The following BACE2 variants were observed in gnomAD, a reference collection of about 807,000 sequenced individuals.
BACE2 encodes the protein 56 kDa aspartic-like protease.
In BACE2, 17 loss-of-function variants were observed where a neutral mutation model predicts 46.2. The observed-to-expected ratio is 0.37, with a 90% CI of 0.25 to 0.55. The LOEUF (loss-of-function observed/expected upper bound fraction) is 0.55, where lower values mean the gene tolerates loss of function less well. Ranked by LOEUF, BACE2 falls within the 20% of genes least tolerant of loss-of-function variation. The pLI is 0.82. For missense variants in BACE2, 595 were observed against 698.1 expected (o/e 0.85, Z 1.66); for synonymous variants, 277 against 295.9 (o/e 0.94, Z 0.66).
intron 1 of BACE2, among the ~76,000 whole-genome samples, chr21:41,216,177 G>A (rs1019689710): frequency 6.6e-6 from 1 of 152,206 alleles, no homozygotes; most frequent in Non-Finnish European, 1.5e-5. Context: ...AATTCAACAC[G>A]AGAAAGGTCC....
intron 1 of BACE2, among the ~76,000 whole-genome samples, chr21:41,207,643 C>T (rs546791554): frequency 3.3e-5 from 5 of 149,284 alleles, no homozygotes; most frequent in Admixed American, 3.3e-4. Context: ...TGATCTCCCT[C>T]CTGGTGCAGG....
At chr21:41,271,015 G>A (rs1205701596) in intron 8 of BACE2, among the ~76,000 whole-genome samples, 3 of 152,154 alleles carry the variant, frequency 2.0e-5, no homozygotes, top group African/African-American at 4.8e-5. Context: ...GGATTTTTAT[G>A]TCCTATTTAT....
intron 8 of BACE2, among the ~76,000 whole-genome samples, chr21:41,270,990 G>A (rs2088428677): frequency 6.6e-6 from 1 of 151,612 alleles, no homozygotes; most frequent in East Asian, 1.9e-4. Context: ...ACTGTTATTA[G>A]GTAAAAAAAC....
At chr21:41,252,977 G>A (rs745917059) in intron 7 of BACE2, among the ~76,000 whole-genome samples, 5 of 152,108 alleles carry the variant, frequency 3.3e-5, no homozygotes, top group Admixed American at 6.5e-5. Flanking sequence ...CCCTCACACC[G>A]TAACTTTGAG....
At chr21:41,199,140 C>G (rs193095786) in intron 1 of BACE2, among the ~76,000 whole-genome samples, 60 of 150,976 alleles carry the variant, frequency 4.0e-4, no homozygotes, top group African/African-American at 1.4e-3. Flanking sequence ...TCTGTCCTTG[C>G]GACAGTTTGC....
At position 41,271,994 on chromosome 21, in the gene BACE2, T is replaced by C. The variant is rs1479284411; in HGVS notation, c.1304-3377T>C. Reference sequence around the variant, plus strand: ...TTTCTTCTGCTTGAAGAACTTTCTGTAGTGAAAATCTGTGATGTGTTCTCT... The same window carrying C: ...TTTCTTCTGCTTGAAGAACTTTCTGCAGTGAAAATCTGTGATGTGTTCTCT... On this transcript the variant is annotated intron_variant, in intron 8 of 8. Coordinates refer to ENST00000330333, the MANE Select transcript of BACE2 (RefSeq NM_012105.5). Among the ~76,000 whole-genome samples the C allele has an allele frequency of 3.3e-5, 5 of 152,234 alleles. No individual in the cohort carries two copies. The East Asian group carries it at 9.7e-4, about 29-fold the overall frequency.
chr21:41,183,244 GA>G (rs1482604542), intron 1 of BACE2: 4 of 165,844 alleles, frequency 2.4e-5, no homozygotes. Flanking sequence ...TAAAGCCTAT[GA>G]ACATCAGTGA....
chr21:41,256,939 G>A (rs1252013369), intron 7 of BACE2, among the ~76,000 whole-genome samples: 1 of 152,178 alleles, frequency 6.6e-6, no homozygotes, highest in Non-Finnish European at 1.5e-5. Flanking sequence ...TCCAGGTGGT[G>A]CATGTGGGTC....
At chr21:41,219,356 A>G (rs1986569276) in intron 1 of BACE2, among the ~76,000 whole-genome samples, 1 of 152,264 alleles carries the variant, frequency 6.6e-6, no homozygotes, top group African/African-American at 2.4e-5. Context: ...AGTAAAGATG[A>G]AAAGAATAAA....
intron 1 of BACE2, among the ~76,000 whole-genome samples, chr21:41,217,924 AG>A (rs1196884601): frequency 6.6e-6 from 1 of 152,196 alleles, no homozygotes; most frequent in African/African-American, 2.4e-5. Context: ...AGAGACAAGA[AG>A]GGCCCTCCCC....
At chr21:41,191,246 C>T (rs952905719) in intron 1 of BACE2, among the ~76,000 whole-genome samples, 2 of 152,178 alleles carry the variant, frequency 1.3e-5, no homozygotes, top group Non-Finnish European at 2.9e-5. Context: ...TTTAAAAGGC[C>T]ATTCCAACAT....
At position 41,275,821 on chromosome 21, in the gene BACE2, A is replaced by G; in HGVS notation, c.*197A>G. On this transcript the variant is annotated 3_prime_UTR_variant, in exon 9 of 9. Coordinates refer to ENST00000330333, the MANE Select transcript of BACE2 (RefSeq NM_012105.5). ...AGCTTTCAAATCCTCCCTACTTCCAAGAAAAATAATTAAAAAAAAAACTTC... is the reference window on the plus strand; with the variant it reads ...AGCTTTCAAATCCTCCCTACTTCCAGGAAAAATAATTAAAAAAAAAACTTC... 2 of 691,158 alleles carry G rather than the reference A, an allele frequency of 2.9e-6. No homozygotes were observed. Among genetic ancestry groups the G allele is most frequent in the Non-Finnish European group, 4.7e-6 (2 of 429,740 alleles). 42.8% of individuals were successfully genotyped at this position (691,158 alleles called of 1,614,324 possible). A position where few individuals can be genotyped will look rare whatever the true frequency, so the allele number is the denominator to read the frequency against.
intron 1 of BACE2, among the ~76,000 whole-genome samples, chr21:41,189,557 T>G (rs1985495369): frequency 6.6e-6 from 1 of 152,210 alleles, no homozygotes; most frequent in Non-Finnish European, 1.5e-5. Context: ...TTTTTATCTG[T>G]CTCCTCCAAG....
At position 41,281,995 on chromosome 21, in the gene BACE2, T is replaced by C. The variant is rs1010755316; in HGVS notation, c.*6371T>C. ...TTCTACTATTGCTGTTAATTTGCAT[T>C]GTTAAAAATTCTTAAAGTTTAATAT... On this transcript the variant is annotated 3_prime_UTR_variant, in exon 9 of 9. Transcript: ENST00000330333. 2.0e-5 allele frequency: 3 copies of C among 152,250 alleles called. No individual in the cohort carries two copies. 9.4% of individuals were successfully genotyped at this position (152,250 alleles called of 1,614,324 possible).
intron 1 of BACE2, among the ~76,000 whole-genome samples, chr21:41,210,442 G>T (rs1011797831): frequency 6.6e-6 from 1 of 152,106 alleles, no homozygotes; most frequent in East Asian, 1.9e-4. Flanking sequence ...CTCAGGTCAC[G>T]CCAGGCAAGG....
rs371256884 is a variant in BACE2, at chr21:41,253,576, C to A, written c.1134+2675C>A. On this transcript the variant is annotated intron_variant, in intron 7 of 8. Transcript: ENST00000330333. ...AGCTTGAGGACCCAGGTGTGCACTG[C>A]TGAATAAATGTCAGGCACCAAGGAC... 4.7e-4 allele frequency among the ~76,000 whole-genome samples: 71 copies of A among 152,230 alleles called. No homozygotes were observed. The South Asian group carries it at 0.014, about 30-fold the overall frequency.
intron 1 of BACE2, among the ~76,000 whole-genome samples, chr21:41,194,970 AG>A (rs1352484494): frequency 1.3e-5 from 2 of 152,236 alleles, no homozygotes; most frequent in Non-Finnish European, 2.9e-5. Context: ...ACCCAGTTAA[AG>A]GGATCTAGAC....
At chr21:41,188,451 G>C (rs1168513113) in intron 1 of BACE2, among the ~76,000 whole-genome samples, 1 of 152,154 alleles carries the variant, frequency 6.6e-6, no homozygotes, top group African/African-American at 2.4e-5. Context: ...CGAAGAAGAG[G>C]CTGCCAAATC....
intron 1 of BACE2, 125 bp from the exon 2 acceptor site, chr21:41,226,141 C>T (rs1986810540): frequency 1.4e-6 from 1 of 697,216 alleles, no homozygotes; most frequent in Admixed American, 2.8e-5. Flanking sequence ...CGTCAGTATA[C>T]TTTTTTTTTG....
Sources: allele counts gnomAD v4.1 joint callset (sites outside exome capture counted in the v4.1 genomes callset), GRCh38; gene constraint gnomAD v4.1.1; transcripts MANE v1.5; gene names NCBI Gene and HGNC (gene_info 2026-07-23, HGNC 2026-07-21).